The following LRRK1 variants were observed in gnomAD, a reference collection of about 807,000 sequenced individuals.
LRRK1 encodes the protein leucine-rich repeat serine/threonine-protein kinase 1.
A neutral mutation model predicts 209.1 loss-of-function variants in LRRK1; 113 were observed. That is an observed-to-expected ratio of 0.54 (90% CI 0.46 to 0.63). LRRK1 has a LOEUF of 0.63. Among genes scored for constraint, LRRK1 ranks in the 30% least tolerant of loss-of-function variants. LRRK1 has a pLI of 0.00. For missense variants in LRRK1, 2,284 were observed against 2,632.2 expected, an observed-to-expected ratio of 0.87 and a Z score of 2.89; for synonymous variants, 1,144 against 1,099.7, an observed-to-expected ratio of 1.04 and a Z score of -0.80.
intron 2 of LRRK1, among the ~76,000 whole-genome samples, chr15:100,933,753 C>A (rs1368195927): frequency 7.9e-6 from 1 of 126,804 alleles, no homozygotes; most frequent in Non-Finnish European, 1.5e-5. Context: ...ACCTGGGAAG[C>A]AGAGGTTGCA....
chr15:101,066,569 A>G (rs1418300311), intron 32 of LRRK1, 71 bp from the exon 33 acceptor site: 1 of 1,428,832 alleles, frequency 7.0e-7, no homozygotes, highest in African/African-American at 1.4e-5. Context: ...ACCTTTCTGC[A>G]CACCGGCTTC....
At chr15:100,989,711 C>T in intron 6 of LRRK1, 3 of 513,152 alleles carry the variant, frequency 5.8e-6, no homozygotes, top group Non-Finnish European at 1.0e-5. Flanking sequence ...TTGGCCTAAT[C>T]ACCTCTTAAT....
At chr15:101,010,324 C>A in intron 7 of LRRK1, 126 bp from the exon 8 acceptor site, 1 of 970,384 alleles carries the variant, frequency 1.0e-6, no homozygotes. Flanking sequence ...ATTTTCAATG[C>A]ACACTCTTTA....
Position 100,973,827 on chromosome 15 carries a change from C to A in LRRK1, c.121C>A (p.Pro41Thr). ...AGGTGCCGGGGACACGGGCGGCAAGCCGTCCACGCGGGGCGGTGACCCTGC... is the reference window on the plus strand; with the variant it reads ...AGGTGCCGGGGACACGGGCGGCAAGACGTCCACGCGGGGCGGTGACCCTGC... The part of the protein sequence containing the change: ...LNGAGDTGGK[P>T]STRGGDPAAR... Residue 41 changes from proline (P) to threonine (T), a missense_variant, in exon 3 of 34, where the codon CCG (proline) becomes ACG (threonine). Coordinates refer to ENST00000388948, the MANE Select transcript of LRRK1 (RefSeq NM_024652.6). 7.7e-7 allele frequency: 1 copy of A among 1,293,272 alleles called. No homozygotes were observed. The allele number at this position is 1,293,272 out of a possible 1,614,324, so 80.1% of individuals were successfully genotyped here.
chr15:101,013,460 G>A (rs2033376519), intron 10 of LRRK1, among the ~76,000 whole-genome samples: 2 of 152,028 alleles, frequency 1.3e-5, no homozygotes, highest in Admixed American at 1.3e-4. Flanking sequence ...CAGGCATGAT[G>A]GCTCAGACCT....
In LRRK1 at chr15:101,012,169, CT is replaced by C. The variant is rs771876736; in HGVS notation, c.1419+25del. On this transcript the variant is annotated intron_variant, in intron 10 of 33. Transcript: ENST00000388948. ...ATGTAAGCCTAATAGCCCTTTCTTT[CT>C]CATTTTCGGCTTTTGAGAGAAAATT... The C allele has an allele frequency of 6.4e-6, 10 of 1,574,076 alleles. No homozygotes were observed. In the Admixed American group the frequency reaches 2.0e-4, roughly 31 times the overall value.
intron 6 of LRRK1, among the ~76,000 whole-genome samples, chr15:101,000,514 G>T (rs112212384): frequency 6.6e-6 from 1 of 152,136 alleles, no homozygotes; most frequent in Admixed American, 6.5e-5. Flanking sequence ...ATTCTCTCAC[G>T]GTCCTGGAGG....
intron 20 of LRRK1, among the ~76,000 whole-genome samples, chr15:101,034,427 G>T (rs2034414683): frequency 6.6e-6 from 1 of 152,044 alleles, no homozygotes; most frequent in African/African-American, 2.4e-5. Flanking sequence ...GTTGATTTTT[G>T]TATGTGGTAA....
intron 22 of LRRK1, chr15:101,049,438 G>A (rs2035273495): frequency 1.9e-6 from 1 of 515,028 alleles, no homozygotes. Flanking sequence ...TCTTCCTCGT[G>A]CCTCCTTCAC....
chr15:100,994,952 T>G (rs1465461639), intron 6 of LRRK1, among the ~76,000 whole-genome samples: 1 of 152,132 alleles, frequency 6.6e-6, no homozygotes, highest in Non-Finnish European at 1.5e-5. Flanking sequence ...AGTGACAGTT[T>G]GGGTTGGTTC....
intron 6 of LRRK1, among the ~76,000 whole-genome samples, chr15:100,995,737 C>T (rs1416821862): frequency 6.6e-6 from 1 of 152,196 alleles, no homozygotes; most frequent in East Asian, 1.9e-4. Flanking sequence ...TCCTGTTCAG[C>T]AGTTAGAGGG....
At chr15:100,979,636 T>TA (rs1021445169) in intron 3 of LRRK1, among the ~76,000 whole-genome samples, 2 of 152,038 alleles carry the variant, frequency 1.3e-5, no homozygotes, top group East Asian at 1.9e-4. Context: ...ACAGTGATTC[T>TA]AAAAAAAGCT....
chr15:100,928,609 T>TTA (rs2042154900), intron 2 of LRRK1, among the ~76,000 whole-genome samples: 1 of 152,222 alleles, frequency 6.6e-6, no homozygotes, highest in African/African-American at 2.4e-5. Flanking sequence ...GACGTTCTTA[T>TTA]TATACTTCCA....
chr15:101,057,732 T>TTGGGCCTGGG (rs1226471874), intron 28 of LRRK1, among the ~76,000 whole-genome samples: 10 of 152,182 alleles, frequency 6.6e-5, no homozygotes, highest in Admixed American at 1.3e-4. Context: ...GTGTATGTCC[T>TTGGGCCTGGG]TGGGCCTGGG....
intron 10 of LRRK1, among the ~76,000 whole-genome samples, chr15:101,013,805 C>T (rs554492822): frequency 1.9e-3 from 283 of 152,190 alleles, no homozygotes; most frequent in Middle Eastern, 0.014. Flanking sequence ...GGGACTGTGT[C>T]GGCTAGCAGA....
chr15:101,045,394 G>A (rs981834213), intron 20 of LRRK1, among the ~76,000 whole-genome samples: 1 of 152,228 alleles, frequency 6.6e-6, no homozygotes, highest in Non-Finnish European at 1.5e-5. Flanking sequence ...TGAAGCCCTT[G>A]CCGATGCAAT....
chr15:100,930,340 AGTCT>A (rs2042188794), intron 2 of LRRK1, among the ~76,000 whole-genome samples: 1 of 152,128 alleles, frequency 6.6e-6, no homozygotes, highest in Non-Finnish European at 1.5e-5. Flanking sequence ...TTGACTTCTC[AGTCT>A]GTCTGTGGGC....
chr15:101,049,146 C>T (rs1176200885), intron 22 of LRRK1, among the ~76,000 whole-genome samples: 1 of 152,212 alleles, frequency 6.6e-6, no homozygotes, highest in African/African-American at 2.4e-5. Flanking sequence ...GACCTAAAGT[C>T]AGCCCAACAG....
At chr15:101,021,028 A>C in intron 12 of LRRK1, 25 bp from the exon 13 acceptor site, 2 of 1,613,066 alleles carry the variant, frequency 1.2e-6, no homozygotes, top group Non-Finnish European at 1.7e-6. Context: ...TTTTAAATGC[A>C]GTCTGCTTTG....
Sources: gnomAD v4.1 joint callset for allele counts (sites outside exome capture counted in the v4.1 genomes callset) on GRCh38, gnomAD v4.1.1 for gene constraint, MANE v1.5 for transcripts, NCBI Gene and HGNC (gene_info 2026-07-23, HGNC 2026-07-21) for gene names.